MTHFD1L: variants seen among roughly 807,000 people sequenced by gnomAD.
MTHFD1L encodes the protein methylenetetrahydrofolate dehydrogenase (NADP+ dependent) 1 like, also known as monofunctional C1-tetrahydrofolate synthase, mitochondrial.
In MTHFD1L, 81 loss-of-function variants were observed where a neutral mutation model predicts 119.5. The ratio of observed to expected loss-of-function variants is 0.68; its 90% CI spans 0.57 to 0.82. MTHFD1L has a LOEUF of 0.82. Ranked by LOEUF, MTHFD1L falls within the 40% of genes least tolerant of loss-of-function variation. MTHFD1L has a pLI of 0.00. For synonymous variants in MTHFD1L, 430 were observed against 475.2 expected (o/e 0.90, Z 1.24); for missense variants, 1,125 against 1,253.4 (o/e 0.90, Z 1.55).
intron 8 of MTHFD1L, chr6:150,912,720 T>G (rs1454179582): frequency 1.6e-5 from 8 of 515,102 alleles, no homozygotes; most frequent in Non-Finnish European, 2.8e-5. Flanking sequence ...ATTCATTGAC[T>G]TGTCCCTGGA....
At chr6:151,096,759 G>T (rs926537489) in intron 27 of MTHFD1L, among the ~76,000 whole-genome samples, 6 of 152,338 alleles carry the variant, frequency 3.9e-5, no homozygotes, top group Admixed American at 1.3e-4. Context: ...CACTCAGGAA[G>T]AAGATTGTGC....
At chr6:150,917,506 A>T (rs544355275) in intron 8 of MTHFD1L, among the ~76,000 whole-genome samples, 39 of 150,830 alleles carry the variant, frequency 2.6e-4, no homozygotes, top group African/African-American at 7.7e-4. Context: ...AAAAAAAAAA[A>T]ATTTTTTTAG....
rs115414478 is a variant in MTHFD1L at position 150,918,453 on chromosome 6, C to T, written c.893-124C>T. 9.1e-4 allele frequency: 665 copies of T among 732,360 alleles called. 4 individuals are homozygous for T. The African/African-American group carries it at 0.01, about 11-fold the overall frequency. 45.4% of individuals were successfully genotyped at this position (732,360 alleles called of 1,614,324 possible). On this transcript the variant is annotated intron_variant, in intron 8 of 27. Coordinates refer to ENST00000367321, the MANE Select transcript of MTHFD1L (RefSeq NM_015440.5). ...AGGTGACCAGTCTGCAGCCGTGCCC[C>T]GACATCCTAACTTCCTTGGTGAAAA...
intron 11 of MTHFD1L, among the ~76,000 whole-genome samples, chr6:150,930,633 C>G (rs1790879809): frequency 6.6e-6 from 1 of 151,926 alleles, no homozygotes; most frequent in Non-Finnish European, 1.5e-5. Context: ...TCTCTGAACA[C>G]TGTAACATAA....
chr6:150,899,257 T>C (rs547016566), intron 7 of MTHFD1L, among the ~76,000 whole-genome samples: 1 of 152,354 alleles, frequency 6.6e-6, no homozygotes, highest in South Asian at 2.1e-4. Context: ...TTCCCAGATG[T>C]CCATTTGGCT....
chr6:150,920,330 C>T (rs565126709), intron 9 of MTHFD1L, among the ~76,000 whole-genome samples: 1 of 152,294 alleles, frequency 6.6e-6, no homozygotes, highest in South Asian at 2.1e-4. Context: ...AGGCGAAGGT[C>T]ATCAGTGTTC....
At position 150,906,841 on chromosome 6, in the gene MTHFD1L, C is replaced by T. The variant is rs183778733; in HGVS notation, c.892+1080C>T. Among the ~76,000 whole-genome samples the T allele has an allele frequency of 9.9e-5, 15 of 152,146 alleles. No individual in the cohort carries two copies. The East Asian group carries it at 1.9e-3, about 20-fold the overall frequency. ...AAATGTAGCTCCTGCCAGAATTGACCGATCAGATTAAAAACCCCTTGGGGG... is the reference window on the plus strand; with the variant it reads ...AAATGTAGCTCCTGCCAGAATTGACTGATCAGATTAAAAACCCCTTGGGGG... On this transcript the variant is annotated intron_variant, in intron 8 of 27. Coordinates refer to ENST00000367321, the MANE Select transcript of MTHFD1L (RefSeq NM_015440.5).
At chr6:151,019,068 A>G (rs1022964642) in intron 24 of MTHFD1L, among the ~76,000 whole-genome samples, 7 of 152,250 alleles carry the variant, frequency 4.6e-5, no homozygotes, top group Non-Finnish European at 1.0e-4. Flanking sequence ...GCCAACTCAG[A>G]TGGCAGGTGG....
At chr6:150,966,728 A>C (rs1267569861) in intron 19 of MTHFD1L, among the ~76,000 whole-genome samples, 3 of 152,234 alleles carry the variant, frequency 2.0e-5, no homozygotes, top group Admixed American at 2.0e-4. Flanking sequence ...TGGGAGGCTG[A>C]GGCAGGAGAA....
intron 24 of MTHFD1L, among the ~76,000 whole-genome samples, chr6:151,027,064 C>T (rs888666138): frequency 6.6e-6 from 1 of 152,010 alleles, no homozygotes; most frequent in African/African-American, 2.4e-5. Context: ...CTCTTAACCT[C>T]ATGATCCGCC....
At chr6:151,013,912 C>T in intron 22 of MTHFD1L, 92 bp downstream of exon 22, 3 of 1,139,298 alleles carry the variant, frequency 2.6e-6, no homozygotes, top group Non-Finnish European at 3.9e-6. Context: ...TCAGTGGCCT[C>T]TTAGAAAAGT....
At chr6:151,092,735 G>A (rs968175992) in intron 27 of MTHFD1L, 148 bp downstream of exon 27, 11 of 599,004 alleles carry the variant, frequency 1.8e-5, no homozygotes, top group African/African-American at 3.8e-5. Flanking sequence ...ATGATTTTCC[G>A]TGACTGGAGT....
chr6:150,908,209 ACT>A (rs1186896318), intron 8 of MTHFD1L, among the ~76,000 whole-genome samples: 3 of 151,396 alleles, frequency 2.0e-5, no homozygotes, highest in African/African-American at 4.9e-5. Context: ...GGCCTGGCTA[ACT>A]CTGTGAATAT....
intron 7 of MTHFD1L, among the ~76,000 whole-genome samples, chr6:150,893,677 T>A (rs1783730263): frequency 6.6e-6 from 1 of 151,904 alleles, no homozygotes; most frequent in African/African-American, 2.4e-5. Context: ...AACACTAGAG[T>A]TCTATCTACC....
At chr6:150,943,207 G>A (rs1009959998) in intron 13 of MTHFD1L, among the ~76,000 whole-genome samples, 10 of 151,966 alleles carry the variant, frequency 6.6e-5, no homozygotes, top group African/African-American at 2.2e-4. Context: ...CCTGGGAGGC[G>A]GAGGTTGCAT....
intron 11 of MTHFD1L, among the ~76,000 whole-genome samples, chr6:150,930,599 A>G (rs1254497866): frequency 6.6e-6 from 1 of 151,994 alleles, no homozygotes; most frequent in Non-Finnish European, 1.5e-5. Flanking sequence ...TCATGCTATA[A>G]ATATCATTTT....
intron 17 of MTHFD1L, among the ~76,000 whole-genome samples, chr6:150,956,745 TGTTAA>T (rs1795703206): frequency 6.6e-6 from 1 of 152,232 alleles, no homozygotes; most frequent in African/African-American, 2.4e-5. Flanking sequence ...CTGTCCTTTA[TGTTAA>T]GTTTTTATTA....
intron 26 of MTHFD1L, among the ~76,000 whole-genome samples, chr6:151,091,710 G>A (rs1411019224): frequency 6.6e-6 from 1 of 152,136 alleles, no homozygotes; most frequent in Non-Finnish European, 1.5e-5. Flanking sequence ...TGTCCATTAA[G>A]TGTCACAAAA....
chr6:151,078,631 C>A (rs1792817734), intron 26 of MTHFD1L, among the ~76,000 whole-genome samples: 1 of 152,142 alleles, frequency 6.6e-6, no homozygotes, highest in South Asian at 2.1e-4. Flanking sequence ...GGAGGCCACA[C>A]CCAGGTCCCA....
Sources: gnomAD v4.1 joint callset for allele counts (sites outside exome capture counted in the v4.1 genomes callset) on GRCh38, gnomAD v4.1.1 for gene constraint, MANE v1.5 for transcripts, NCBI Gene and HGNC (gene_info 2026-07-23, HGNC 2026-07-21) for gene names.